Variants in PAPPA2 observed in about 807,000 individuals in gnomAD.
PAPPA2 encodes the protein pappalysin-2.
Under a neutral mutation model 176.4 loss-of-function variants are expected in PAPPA2, and 86 were observed. That is an observed-to-expected ratio of 0.49 (90% confidence interval 0.41 to 0.58). PAPPA2 has a LOEUF of 0.58. PAPPA2 is among the 20% of genes least tolerant of loss of function. The pLI, the probability that PAPPA2 is intolerant of heterozygous loss-of-function variation, is 0.00. For synonymous variants in PAPPA2, 809 were observed against 852.2 expected (o/e 0.95, Z 0.88); for missense variants, 2,073 against 2,256.9 (o/e 0.92, Z 1.65).
chr1:176,582,168 C>A (rs1294169787), intron 2 of PAPPA2, among the ~76,000 whole-genome samples: 1 of 152,000 alleles, frequency 6.6e-6, no homozygotes, highest in South Asian at 2.1e-4. Context: ...ACCTTGTGAT[C>A]CACCCGCCTC....
chr1:176,603,865 G>C (rs1654464304), intron 3 of PAPPA2, among the ~76,000 whole-genome samples: 2 of 152,110 alleles, frequency 1.3e-5, no homozygotes, highest in Admixed American at 6.5e-5. Context: ...AATCCTATTA[G>C]GGTATAACTC....
intron 17 of PAPPA2, among the ~76,000 whole-genome samples, chr1:176,776,550 A>G (rs544625537): frequency 3.3e-5 from 5 of 152,278 alleles, no homozygotes; most frequent in Non-Finnish European, 7.4e-5. Flanking sequence ...TGGTTGGTGA[A>G]TGCCTTTAGT....
chr1:176,531,740 A>AT, intron 1 of PAPPA2, among the ~76,000 whole-genome samples: 1 of 152,330 alleles, frequency 6.6e-6, no homozygotes, highest in South Asian at 2.1e-4. Flanking sequence ...CTTTACACAG[A>AT]TCCCCAGGAT....
chr1:176,759,086 T>G (rs1022123229), intron 14 of PAPPA2, among the ~76,000 whole-genome samples: 1 of 152,202 alleles, frequency 6.6e-6, no homozygotes, highest in Non-Finnish European at 1.5e-5. Flanking sequence ...TCTTGAAAAG[T>G]GTAGTACAGA....
intron 9 of PAPPA2, 141 bp from the exon 10 acceptor site, chr1:176,706,218 A>G: frequency 7.8e-6 from 5 of 638,522 alleles, no homozygotes; most frequent in Non-Finnish European, 1.1e-5. Context: ...TTTTCTGTAA[A>G]AGCATTCTTC....
chr1:176,483,573 C>T (rs7520422), intron 1 of PAPPA2, among the ~76,000 whole-genome samples: 17,453 of 146,600 alleles, frequency 0.12, 1,057 homozygotes, highest in Middle Eastern at 0.23. Context: ...CGGGTTCAAG[C>T]GATTCTCCTG....
intron 2 of PAPPA2, 60 bp downstream of exon 2, chr1:176,557,301 C>A: frequency 1.3e-6 from 2 of 1,491,944 alleles, no homozygotes; most frequent in South Asian, 2.6e-5. Flanking sequence ...TTATTTCTGA[C>A]GGGTTAGACA....
chr1:176,728,433 A>C (rs950148324), intron 12 of PAPPA2, among the ~76,000 whole-genome samples: 1 of 151,930 alleles, frequency 6.6e-6, no homozygotes, highest in Non-Finnish European at 1.5e-5. Context: ...CAGTAGCAAT[A>C]AAAATGGTAA....
Position 176,726,665 on chromosome 1 carries a change from G to A in PAPPA2, c.3799-12961G>A, listed in dbSNP as rs374199613. On this transcript the variant is annotated intron_variant, in intron 12 of 22. Transcript: ENST00000367662. Reference sequence around the variant, plus strand: ...CCTTTTAAAAGATGGGCTGCAGTTCGAGTGGAAATCACATCAAAGGGAATT... The same window carrying A: ...CCTTTTAAAAGATGGGCTGCAGTTCAAGTGGAAATCACATCAAAGGGAATT... Among the ~76,000 whole-genome samples, 22 of 152,300 alleles carry A rather than the reference G, an allele frequency of 1.4e-4. No individual in the cohort carries two copies. The East Asian group carries it at 4.2e-3, about 29-fold the overall frequency.
At chr1:176,790,101 G>A (rs1009223480) in intron 18 of PAPPA2, 124 bp downstream of exon 18, 25 of 1,110,404 alleles carry the variant, frequency 2.3e-5, no homozygotes, top group South Asian at 7.6e-5. Flanking sequence ...GATTCTAATC[G>A]GGAGTGTTGG....
At chr1:176,471,587 A>G (rs575699233) in intron 1 of PAPPA2, among the ~76,000 whole-genome samples, 3 of 152,120 alleles carry the variant, frequency 2.0e-5, no homozygotes, top group Non-Finnish European at 4.4e-5. Flanking sequence ...TCCCAGTTGC[A>G]ATTTCTGCCT....
At chr1:176,532,652 C>A (rs2102554218) in intron 1 of PAPPA2, among the ~76,000 whole-genome samples, 1 of 152,308 alleles carries the variant, frequency 6.6e-6, no homozygotes, top group Non-Finnish European at 1.5e-5. Context: ...CTTCCTGTCC[C>A]CACATGGTGT....
intron 2 of PAPPA2, among the ~76,000 whole-genome samples, chr1:176,582,079 A>G (rs1034339378): frequency 4.0e-5 from 6 of 151,160 alleles, no homozygotes; most frequent in Admixed American, 2.0e-4. Context: ...GCCCGCCACC[A>G]CGCCCGGCTA....
At chr1:176,723,578 G>GT (rs1661725806) in intron 12 of PAPPA2, among the ~76,000 whole-genome samples, 1 of 151,718 alleles carries the variant, frequency 6.6e-6, no homozygotes, top group Non-Finnish European at 1.5e-5. Flanking sequence ...AATATGATTA[G>GT]TATGCAGTAA....
At chr1:176,774,984 G>A (rs1466750786) in intron 17 of PAPPA2, among the ~76,000 whole-genome samples, 3 of 152,058 alleles carry the variant, frequency 2.0e-5, no homozygotes, top group African/African-American at 4.8e-5. Flanking sequence ...TCTTCCCAGA[G>A]CTCTCCGTGA....
chr1:176,729,007 G>A (rs564830002), intron 12 of PAPPA2, among the ~76,000 whole-genome samples: 3 of 151,798 alleles, frequency 2.0e-5, no homozygotes, highest in Non-Finnish European at 2.9e-5. Flanking sequence ...TATTAATGGG[G>A]TATAGCATCC....
intron 14 of PAPPA2, among the ~76,000 whole-genome samples, chr1:176,760,678 A>T (rs1034933590): frequency 2.6e-5 from 4 of 152,226 alleles, no homozygotes; most frequent in Admixed American, 2.0e-4. Context: ...AGGGAAAAAC[A>T]CACATCATTA....
At chr1:176,703,153 A>G (rs1660737353) in intron 9 of PAPPA2, among the ~76,000 whole-genome samples, 1 of 152,166 alleles carries the variant, frequency 6.6e-6, no homozygotes, top group Admixed American at 6.5e-5. Context: ...CAAATGGCCT[A>G]TTCTGCTAAC....
At chr1:176,514,719 C>G (rs1648809431) in intron 1 of PAPPA2, among the ~76,000 whole-genome samples, 1 of 152,206 alleles carries the variant, frequency 6.6e-6, no homozygotes, top group Non-Finnish European at 1.5e-5. Flanking sequence ...TGGGATGAAT[C>G]TGTTTCAAGG....
Sources: gnomAD v4.1 joint callset for allele counts (sites outside exome capture counted in the v4.1 genomes callset) on GRCh38, gnomAD v4.1.1 for gene constraint, MANE v1.5 for transcripts, NCBI Gene and HGNC (gene_info 2026-07-23, HGNC 2026-07-21) for gene names.